Variants in ERC1 observed in about 807,000 individuals in gnomAD.
ERC1 encodes ELKS/RAB6-interacting/CAST family member 1, also known as RAB6 interacting protein 2.
Under a neutral mutation model 132.0 loss-of-function variants are expected in ERC1, and 56 were observed. That is an observed-to-expected ratio of 0.42 (90% CI 0.34 to 0.53). The LOEUF (loss-of-function observed/expected upper bound fraction) is 0.53. Among genes scored for constraint, ERC1 ranks in the 20% least tolerant of loss-of-function variants. The pLI, the probability that ERC1 is intolerant of heterozygous loss-of-function variation, is 0.03. For missense variants in ERC1, 1,202 were observed against 1,349.9 expected (o/e 0.89, Z 1.72); for synonymous variants, 478 against 476.1 (o/e 1.00, Z -0.05).
intron 12 of ERC1, among the ~76,000 whole-genome samples, chr12:1,208,791 G>C (rs1957573990): frequency 6.6e-6 from 1 of 151,734 alleles, no homozygotes; most frequent in Non-Finnish European, 1.5e-5. Flanking sequence ...TTGTTTTTTT[G>C]TTTTGTTTTG....
intron 1 of ERC1, among the ~76,000 whole-genome samples, chr12:1,005,811 A>C (rs1963460043): frequency 6.6e-6 from 1 of 152,144 alleles, no homozygotes; most frequent in Non-Finnish European, 1.5e-5. Flanking sequence ...TCTGTACAGC[A>C]AGTATATACA....
At chr12:1,351,722 G>A (rs536718145) in intron 15 of ERC1, among the ~76,000 whole-genome samples, 1 of 151,754 alleles carries the variant, frequency 6.6e-6, no homozygotes, top group African/African-American at 2.4e-5. Flanking sequence ...TATTTATGGG[G>A]TACATAGTGA....
chr12:1,436,383 C>G (rs2092949436), intron 17 of ERC1, among the ~76,000 whole-genome samples: 1 of 152,156 alleles, frequency 6.6e-6, no homozygotes, highest in Non-Finnish European at 1.5e-5. Context: ...CAGTTCAGGT[C>G]ACATCTTTGA....
chr12:1,061,855 A>C (rs1486322107), intron 2 of ERC1, among the ~76,000 whole-genome samples: 1 of 151,320 alleles, frequency 6.6e-6, no homozygotes, highest in Non-Finnish European at 1.5e-5. Context: ...CTTGAGATGC[A>C]TTGCTAGGTT....
At chr12:1,371,749 C>G in intron 15 of ERC1, 84 bp from the exon 16 acceptor site, 1 of 1,470,508 alleles carries the variant, frequency 6.8e-7, no homozygotes, top group East Asian at 2.4e-5. Flanking sequence ...TTATTACCCT[C>G]AAAATGGGGG....
chr12:1,167,876 C>T (rs561645613), intron 8 of ERC1, among the ~76,000 whole-genome samples: 1 of 151,946 alleles, frequency 6.6e-6, no homozygotes, highest in African/African-American at 2.4e-5. Context: ...GCCACCACAC[C>T]CTGCTAATTT....
intron 2 of ERC1, among the ~76,000 whole-genome samples, chr12:1,063,186 G>A (rs1202737381): frequency 1.3e-5 from 2 of 152,098 alleles, no homozygotes; most frequent in Non-Finnish European, 2.9e-5. Flanking sequence ...TCCTGCCTTA[G>A]CCTCCCAAGT....
intron 15 of ERC1, among the ~76,000 whole-genome samples, chr12:1,346,427 C>G (rs143139501): frequency 2.3e-3 from 350 of 152,300 alleles, no homozygotes; most frequent in African/African-American, 7.9e-3. Flanking sequence ...TTTATCACCT[C>G]ACTTCTGAAT....
chr12:1,389,459 A>G (rs1173061289), intron 16 of ERC1, among the ~76,000 whole-genome samples: 1 of 152,340 alleles, frequency 6.6e-6, no homozygotes, highest in East Asian at 1.9e-4. Flanking sequence ...TTTCATCCTT[A>G]CAGATTATAG....
chr12:1,147,771 A>C (rs371864863), intron 8 of ERC1, among the ~76,000 whole-genome samples: 1 of 152,164 alleles, frequency 6.6e-6, no homozygotes, highest in Non-Finnish European at 1.5e-5. Flanking sequence ...CATACAGTGC[A>C]AGTTTCTGAA....
chr12:1,374,584 AG>A (rs1235532342), intron 16 of ERC1, among the ~76,000 whole-genome samples: 1 of 152,214 alleles, frequency 6.6e-6, no homozygotes, highest in Non-Finnish European at 1.5e-5. Flanking sequence ...TGTGATTGTC[AG>A]GCCCCCGCAC....
intron 8 of ERC1, among the ~76,000 whole-genome samples, chr12:1,158,607 CTTT>C (rs10713768): frequency 2.8e-4 from 37 of 134,440 alleles, no homozygotes; most frequent in African/African-American, 9.6e-4. Context: ...TTTTTCTTTT[CTTT>C]TTTTTTTTTT....
In ERC1 at chr12:1,490,343, A is replaced by G. The variant is rs559937924; in HGVS notation, c.*113A>G. 1 of 997,756 alleles carries G rather than the reference A, an allele frequency of 1.0e-6. No homozygotes were observed. Among genetic ancestry groups the G allele is most frequent in the East Asian group, 2.6e-5 (1 of 38,572 alleles). 61.8% of individuals were successfully genotyped at this position (997,756 alleles called of 1,614,324 possible). A position where few individuals can be genotyped will look rare whatever the true frequency, so the allele number is the denominator to read the frequency against. ...ACCAAACACTACAAACTTCATCCCAACTTGCTCACTTGAAGAAGTGTGATT... is the reference window on the plus strand; with the variant it reads ...ACCAAACACTACAAACTTCATCCCAGCTTGCTCACTTGAAGAAGTGTGATT... On this transcript the variant is annotated 3_prime_UTR_variant, in exon 19 of 19. Coordinates refer to ENST00000360905, the MANE Select transcript of ERC1 (RefSeq NM_178040.4).
At chr12:1,073,278 C>G (rs866476653) in intron 2 of ERC1, among the ~76,000 whole-genome samples, 1 of 149,750 alleles carries the variant, frequency 6.7e-6, no homozygotes, top group Non-Finnish European at 1.5e-5. Context: ...TCCAGCCTAG[C>G]GACAGAGCAA....
In ERC1 at chr12:1,413,701, A is replaced by G. The variant is rs190315919; in HGVS notation, c.3024+5454A>G. Among the ~76,000 whole-genome samples, 24 of 152,362 alleles carry G rather than the reference A, an allele frequency of 1.6e-4. No homozygotes were observed. In the East Asian group the frequency reaches 3.1e-3, roughly 20 times the overall value. ...GTTCTAAGTTCAATAACTAAGTAGA[A>G]TTTGAGCATGATTTGATAAGTTATG... is the stretch of plus-strand genomic sequence containing the variant. On this transcript the variant is annotated intron_variant, in intron 17 of 18. Transcript: ENST00000360905.
chr12:1,041,215 T>A (rs2154159983), intron 2 of ERC1, among the ~76,000 whole-genome samples: 1 of 152,066 alleles, frequency 6.6e-6, no homozygotes, highest in East Asian at 1.9e-4. Flanking sequence ...CTTTCTTTTT[T>A]TTTTTTTTTG....
chr12:1,469,010 C>T (rs931079063), intron 18 of ERC1, among the ~76,000 whole-genome samples: 2 of 152,220 alleles, frequency 1.3e-5, no homozygotes, highest in East Asian at 3.8e-4. Context: ...GCCACAGGGA[C>T]ATTTGCCTTC....
intron 11 of ERC1, among the ~76,000 whole-genome samples, chr12:1,184,760 T>A (rs1202019363): frequency 6.6e-6 from 1 of 152,218 alleles, no homozygotes; most frequent in East Asian, 1.9e-4. Context: ...TCTTTTTTTC[T>A]TTGTTTTTTA....
At chr12:1,488,430 G>A (rs796633940) in intron 18 of ERC1, among the ~76,000 whole-genome samples, 7 of 151,532 alleles carry the variant, frequency 4.6e-5, no homozygotes, top group African/African-American at 1.7e-4. Flanking sequence ...AGGAGCTCAC[G>A]ACTGTAAGCA....
Sources: allele counts gnomAD v4.1 joint callset (sites outside exome capture counted in the v4.1 genomes callset), GRCh38; gene constraint gnomAD v4.1.1; transcripts MANE v1.5; gene names NCBI Gene and HGNC (gene_info 2026-07-23, HGNC 2026-07-21).